Variants in BZW1 observed in about 807,000 individuals in gnomAD.
BZW1 encodes basic leucine zipper and W2 domains 1, also known as eIF5-mimic protein 2.
Under a neutral mutation model 54.1 loss-of-function variants are expected in BZW1, and 3 were observed. The ratio of observed to expected loss-of-function variants is 0.06; its 90% CI spans 0.03 to 0.14. The LOEUF (loss-of-function observed/expected upper bound fraction) is 0.14, where lower values mean the gene tolerates loss of function less well. Among genes scored for constraint, BZW1 ranks in the 10% least tolerant of loss-of-function variants. BZW1 has a pLI of 1.00. For missense variants in BZW1, 206 were observed against 491.7 expected, an observed-to-expected ratio of 0.42 and a Z score of 5.50; for synonymous variants, 152 against 162.7, an observed-to-expected ratio of 0.93 and a Z score of 0.50.
intron 8 of BZW1, 122 bp from the exon 9 acceptor site, chr2:200,818,622 TATGTGGTACAC>T (rs1374191803): frequency 1.8e-6 from 2 of 1,100,230 alleles, no homozygotes; most frequent in African/African-American, 3.2e-5. Context: ...TCTCTTTTTA[TATGTGGTACAC>T]ATGTGGTTGC....
Position 200,812,010 on chromosome 2 carries a change from T to C in BZW1, c.-11+20T>C. The stretch of plus-strand genomic sequence containing the variant: ...AATTCGGTGAGACGCGGCGCCCCGC[T>C]CACCCCGGGCGGACGCTGCGGGTCG... On this transcript the variant is annotated intron_variant, in intron 1 of 11. Transcript: ENST00000409600. 1 of 383,776 alleles carries C rather than the reference T, an allele frequency of 2.6e-6. No homozygotes were observed. Among genetic ancestry groups the C allele is most frequent in the Non-Finnish European group, 4.6e-6 (1 of 218,106 alleles). 23.8% of individuals were successfully genotyped at this position (383,776 alleles called of 1,614,324 possible).
At chr2:200,812,177 CG>C in intron 1 of BZW1, 187 bp downstream of exon 1, 1 of 1,194,042 alleles carries the variant, frequency 8.4e-7, no homozygotes, top group Non-Finnish European at 1.0e-6. Flanking sequence ...CGAGGGGTAG[CG>C]GCGGCCCGGG....
Position 200,811,947 on chromosome 2 carries a change from G to A in BZW1, c.-54G>A, listed in dbSNP as rs765005461. On this transcript the variant is annotated 5_prime_UTR_variant, in exon 1 of 12. Transcript: ENST00000409600. The stretch of plus-strand genomic sequence containing the variant: ...AGAGGAGACACCGCCGCAGTTGCCG[G>A]TACATCGGGGATTTCTGGCTCTTTC... 11 of 295,550 alleles carry A rather than the reference G, an allele frequency of 3.7e-5. No individual in the cohort carries two copies. Among genetic ancestry groups the A allele is most frequent in the Non-Finnish European group, 6.2e-5 (10 of 160,674 alleles). 18.3% of individuals were successfully genotyped at this position (295,550 alleles called of 1,614,324 possible). A position where few individuals can be genotyped will look rare whatever the true frequency, so the allele number is the denominator to read the frequency against.
In BZW1 at chr2:200,822,205, C is replaced by G. The variant is rs1198216151; in HGVS notation, c.*27C>G. 1.9e-6 allele frequency: 3 copies of G among 1,553,994 alleles called. No homozygotes were observed. The highest frequency in any genetic ancestry group is 2.6e-6 in the Non-Finnish European group (3 of 1,134,420). ...TTTTGAAACTACACCCTCAGTAAAG[C>G]AAACAGGAGTTGTAGATAAAATGTC... On this transcript the variant is annotated 3_prime_UTR_variant, in exon 12 of 12. Transcript: ENST00000409600.
chr2:200,821,905 A>G (rs1213287892), intron 11 of BZW1, among the ~76,000 whole-genome samples: 1 of 152,148 alleles, frequency 6.6e-6, no homozygotes, highest in Non-Finnish European at 1.5e-5. Context: ...CCCAGTCTCT[A>G]CTAAAAATAA....
Position 200,815,772 on chromosome 2 carries a change from CT to C in BZW1, c.336+14del. 1 of 1,532,904 alleles carries C rather than the reference CT, an allele frequency of 6.5e-7. No individual in the cohort carries two copies. Among genetic ancestry groups the C allele is most frequent in the Non-Finnish European group, 8.8e-7 (1 of 1,140,544 alleles). 95.0% of individuals were successfully genotyped at this position (1,532,904 alleles called of 1,614,324 possible). On this transcript the variant is annotated intron_variant, in intron 4 of 11. Transcript: ENST00000409600. ...CAAGCATTTGCTCAGGTAAATGAAA[CT>C]TTACATAATTGTTTTCAGTTGGCTA...
At chr2:200,821,089 T>A in intron 10 of BZW1, 94 bp from the exon 11 acceptor site, 1 of 1,447,082 alleles carries the variant, frequency 6.9e-7, no homozygotes, top group Non-Finnish European at 9.4e-7. Flanking sequence ...TTCAGCAGTT[T>A]GTTTGCTAAG....
intron 11 of BZW1, 68 bp downstream of exon 11, chr2:200,821,373 C>T: frequency 1.3e-6 from 2 of 1,561,686 alleles, no homozygotes; most frequent in Non-Finnish European, 1.7e-6. Flanking sequence ...TATATCTTCA[C>T]ACATGCTTCC....
At position 200,821,286 on chromosome 2, in the gene BZW1, G is replaced by T; in HGVS notation, c.1209G>T (p.Trp403Cys). 1 of 1,613,344 alleles carries T rather than the reference G, an allele frequency of 6.2e-7. No homozygotes were observed. Residue 403 changes from tryptophan to cysteine, a missense_variant, in exon 11 of 12, where the codon TGG becomes TGT. By Grantham distance (215) the Trp-to-Cys change is radical. Transcript: ENST00000409600. Reference protein sequence around the residue: ...FLEQMKKFVEWLKNAEEESES... With the variant: ...FLEQMKKFVECLKNAEEESES... ...AGCAAATGAAAAAGTTTGTAGAATGGCTCAAAAATGCTGAAGAAGGTAAGG... is the reference window on the plus strand; with the variant it reads ...AGCAAATGAAAAAGTTTGTAGAATGTCTCAAAAATGCTGAAGAAGGTAAGG...
chr2:200,821,196 C>T lies in BZW1; in HGVS notation c.1119C>T (p.Ser373=), dbSNP rs527916518. ...TTTTCTTTCCAGCTGAAGTCCTGAG[C>T]GAGGAGCCCATTTTGAAGTGGTATA... ...VVLFYKAEVL[S]EEPILKWYKD... Residue 373 remains serine (S), a synonymous_variant, in exon 11 of 12, where the codon AGC becomes AGT. Transcript: ENST00000409600. The T allele has an allele frequency of 5.0e-6, 8 of 1,611,276 alleles. No individual in the cohort carries two copies. The Admixed American group carries it at 5.0e-5, about 10-fold the overall frequency.
At chr2:200,815,821 G>A (rs1011213935) in intron 4 of BZW1, 60 bp downstream of exon 4, 23 of 1,372,828 alleles carry the variant, frequency 1.7e-5, no homozygotes, top group African/African-American at 4.4e-5. Flanking sequence ...TATATTTGAG[G>A]AATATTCTAC....
At chr2:200,812,752 C>T in intron 1 of BZW1, 5 of 722,976 alleles carry the variant, frequency 6.9e-6, no homozygotes, top group East Asian at 5.4e-5. Flanking sequence ...TGGTGCTGCC[C>T]GTAACCAGGC....
intron 6 of BZW1, 143 bp downstream of exon 6, chr2:200,817,384 G>A: frequency 2.8e-6 from 3 of 1,071,064 alleles, no homozygotes; most frequent in Non-Finnish European, 2.7e-6. Flanking sequence ...TAATTCACTA[G>A]ACATTTAATG....
chr2:200,813,145 A>C, intron 1 of BZW1, 63 bp from the exon 2 acceptor site: 1 of 1,371,870 alleles, frequency 7.3e-7, no homozygotes, highest in Non-Finnish European at 1.0e-6. Flanking sequence ...CTAAGGTTTG[A>C]TGTTTTGCTT....
At position 200,820,075 on chromosome 2, in the gene BZW1, C is replaced by G. The variant is rs1009392790; in HGVS notation, c.1060C>G (p.His354Asp). 3.2e-6 allele frequency: 5 copies of G among 1,556,696 alleles called. No individual in the cohort carries two copies. The highest frequency in any genetic ancestry group is 2.4e-5 in the East Asian group (1 of 42,474). ...KIQEYCYDNI[H>D]FMKAFQKIVV... ...TCAGGAGTATTGCTATGACAACATT[C>G]ATTTCATGAAAGCCTTCCAGAAAAT... Residue 354 changes from histidine (H) to aspartate (D), a missense_variant, in exon 10 of 12, where the codon CAT (histidine) becomes GAT (aspartate). His to Asp is a moderately conservative substitution (Grantham distance 81). This residue lies in a region of BZW1 where 60 missense variants were observed against 151.8 expected (regional missense o/e 0.40). Coordinates refer to ENST00000409600, the MANE Select transcript of BZW1 (RefSeq NM_001207067.2).
At chr2:200,812,380 G>A in intron 1 of BZW1, 2 of 1,284,594 alleles carry the variant, frequency 1.6e-6, no homozygotes, top group Non-Finnish European at 2.0e-6. Flanking sequence ...CGCCGCCTCC[G>A]CCGCTGCTTT....
At chr2:200,821,933 G>A (rs1002609733) in intron 11 of BZW1, among the ~76,000 whole-genome samples, 5 of 152,088 alleles carry the variant, frequency 3.3e-5, no homozygotes, top group African/African-American at 1.2e-4. Flanking sequence ...GCCAGTTTTG[G>A]TGGTGGGCGC....
chr2:200,814,987 G>C (rs552626751), intron 2 of BZW1, among the ~76,000 whole-genome samples: 1 of 152,196 alleles, frequency 6.6e-6, no homozygotes, highest in Admixed American at 6.5e-5. Context: ...TTAAGGAAAA[G>C]GATCAAGAGC....
In BZW1 at chr2:200,826,401, ATAGATATTTTTTTTTTTTTT is replaced by A. The variant is rs1575065052; in HGVS notation, c.*4225_*4244del. ...GATAGATAGATAGATAGATAGATAG[ATAGATATTTTTTTTTTTTTT>A]TTTTTTTTTTTTTTTTTTTTTGAGA... is the stretch of plus-strand genomic sequence containing the variant. On this transcript the variant is annotated 3_prime_UTR_variant, in exon 12 of 12. Transcript: ENST00000409600. 21 of 65,192 alleles carry A rather than the reference ATAGATATTTTTTTTTTTTTT, an allele frequency of 3.2e-4. No individual in the cohort carries two copies. Among genetic ancestry groups the A allele is most frequent in the South Asian group, 1.6e-3 (4 of 2,514 alleles). 4.0% of individuals were successfully genotyped at this position (65,192 alleles called of 1,614,324 possible). A position where few individuals can be genotyped will look rare whatever the true frequency, so the allele number is the denominator to read the frequency against.
Sources: gnomAD v4.1 joint callset for allele counts (sites outside exome capture counted in the v4.1 genomes callset) on GRCh38, gnomAD v4.1.1 for gene constraint, gnomAD v4.1.1 regional missense constraint, MANE v1.5 for transcripts, NCBI Gene and HGNC (gene_info 2026-07-23, HGNC 2026-07-21) for gene names.